Variants in NUP88 observed in about 807,000 individuals in gnomAD.
The protein encoded by NUP88 is nuclear pore complex protein Nup88.
Under a neutral mutation model 93.9 loss-of-function variants are expected in NUP88, and 57 were observed. The observed-to-expected ratio is 0.61, with a 90% CI of 0.49 to 0.76. The LOEUF is 0.76. Ranked by LOEUF, NUP88 falls within the 30% of genes least tolerant of loss-of-function variation. NUP88 has a pLI of 0.00. For missense variants in NUP88, 911 were observed against 901.0 expected, an observed-to-expected ratio of 1.01 and a Z score of -0.14; for synonymous variants, 346 against 336.8, an observed-to-expected ratio of 1.03 and a Z score of -0.30.
intron 2 of NUP88, among the ~76,000 whole-genome samples, chr17:5,416,180 T>TACACACACAC (rs1555530301): frequency 1.0e-4 from 11 of 107,336 alleles, no homozygotes; most frequent in African/African-American, 3.2e-4. Context: ...TATATATATA[T>TACACACACAC]ACACACATAC....
Position 5,385,018 on chromosome 17 carries a change from T to G in NUP88, c.*1188A>C. 1 of 229,078 alleles carries G rather than the reference T, an allele frequency of 4.4e-6. No individual in the cohort carries two copies. Among genetic ancestry groups the G allele is most frequent in the East Asian group, 6.3e-5 (1 of 15,922 alleles). The allele number at this position is 229,078 out of a possible 1,614,324, so 14.2% of individuals were successfully genotyped here. A position where few individuals can be genotyped will look rare whatever the true frequency, so the allele number is the denominator to read the frequency against. On this transcript the variant is annotated 3_prime_UTR_variant, in exon 17 of 17. Transcript: ENST00000573584. ...TGAACTAGAGCTTGCAGTGAAGTGT[T>G]CTGCTGAGACTGAGCACCTTACAGA...
In NUP88 at chr17:5,419,660, A is replaced by C. The variant is rs753139669; in HGVS notation, c.-10T>G. 32 of 1,576,476 alleles carry C rather than the reference A, an allele frequency of 2.0e-5. No individual in the cohort carries two copies. The highest frequency in any genetic ancestry group is 2.8e-5 in the Non-Finnish European group (32 of 1,161,558). ...CCTCGGCGGCCGCCATCTTGGCCCA[A>C]CTGCTCCCCTCACTCCAGTTGCTCA... On this transcript the variant is annotated 5_prime_UTR_variant, in exon 1 of 17. Transcript: ENST00000573584.
In NUP88 at chr17:5,385,782, G is replaced by A. The variant is rs1349604927; in HGVS notation, c.*424C>T. 4.2e-6 allele frequency: 1 copy of A among 235,672 alleles called. No homozygotes were observed. The highest frequency in any genetic ancestry group is 5.6e-5 in the Admixed American group (1 of 17,842). 14.6% of individuals were successfully genotyped at this position (235,672 alleles called of 1,614,324 possible). On this transcript the variant is annotated 3_prime_UTR_variant, in exon 17 of 17. Transcript: ENST00000573584. Reference sequence around the variant, plus strand: ...GAAGGTGTGTCCTCAAGAAGAAAGTGTTCAAATTAAAAAAGCTGCTGCCAA... The same window carrying A: ...GAAGGTGTGTCCTCAAGAAGAAAGTATTCAAATTAAAAAAGCTGCTGCCAA...
intron 7 of NUP88, among the ~76,000 whole-genome samples, chr17:5,402,318 A>C (rs1376026443): frequency 3.9e-5 from 6 of 151,954 alleles, no homozygotes; most frequent in Non-Finnish European, 5.9e-5. Flanking sequence ...AAAAAAAAAA[A>C]CAAAAAACAA....
At chr17:5,393,914 T>C (rs145092460) in intron 9 of NUP88, among the ~76,000 whole-genome samples, 64 of 152,314 alleles carry the variant, frequency 4.2e-4, no homozygotes, top group Middle Eastern at 3.4e-3. Context: ...TATCTAGTAA[T>C]TGATGAACAG....
At chr17:5,407,797 T>G (rs1913584289) in intron 5 of NUP88, among the ~76,000 whole-genome samples, 1 of 152,214 alleles carries the variant, frequency 6.6e-6, no homozygotes, top group Non-Finnish European at 1.5e-5. Context: ...CTAAGTCTTA[T>G]TTATCCTTCC....
chr17:5,386,136 A>G lies in NUP88; in HGVS notation c.*70T>C. Reference sequence around the variant, plus strand: ...ACCTTTTTATAAATTAGATAATTCTACCTGTTTTACAATATGGGTTTAAGC... The same window carrying G: ...ACCTTTTTATAAATTAGATAATTCTGCCTGTTTTACAATATGGGTTTAAGC... On this transcript the variant is annotated 3_prime_UTR_variant, in exon 17 of 17. Coordinates refer to ENST00000573584, the MANE Select transcript of NUP88 (RefSeq NM_002532.6). The G allele has an allele frequency of 8.8e-7, 1 of 1,132,018 alleles. No homozygotes were observed. Among genetic ancestry groups the G allele is most frequent in the Non-Finnish European group, 1.3e-6 (1 of 778,098 alleles). 70.1% of individuals were successfully genotyped at this position (1,132,018 alleles called of 1,614,324 possible). A position where few individuals can be genotyped will look rare whatever the true frequency, so the allele number is the denominator to read the frequency against.
At chr17:5,398,846 C>T (rs1204611732) in intron 8 of NUP88, among the ~76,000 whole-genome samples, 7 of 151,238 alleles carry the variant, frequency 4.6e-5, no homozygotes, top group Admixed American at 1.3e-4. Context: ...CCGCCTTGGC[C>T]TCCCAAAGTG....
At chr17:5,402,706 T>C (rs1347970692) in intron 7 of NUP88, among the ~76,000 whole-genome samples, 1 of 151,988 alleles carries the variant, frequency 6.6e-6, no homozygotes, top group South Asian at 2.1e-4. Context: ...TTTCATTCTT[T>C]TTTAAAGCCA....
In NUP88 at chr17:5,407,036, G is replaced by C. The variant is rs546603386; in HGVS notation, c.857+1697C>G. On this transcript the variant is annotated intron_variant, in intron 5 of 16. Coordinates refer to ENST00000573584, the MANE Select transcript of NUP88 (RefSeq NM_002532.6). ...GACAAATGAGGGCTCAGCAGCAAGA[G>C]GAGAAAGGGTAAGGGAAGGTACTAA... is the stretch of plus-strand genomic sequence containing the variant. Among the ~76,000 whole-genome samples, 5 of 152,266 alleles carry C rather than the reference G, an allele frequency of 3.3e-5. No individual in the cohort carries two copies. In the East Asian group the frequency reaches 9.6e-4, roughly 29 times the overall value.
chr17:5,412,400 C>A (rs1597329854), intron 3 of NUP88, among the ~76,000 whole-genome samples: 2 of 152,214 alleles, frequency 1.3e-5, no homozygotes, highest in East Asian at 3.9e-4. Context: ...AGCTGAATGC[C>A]CCTTAGTCAC....
chr17:5,387,827 T>G lies in NUP88; in HGVS notation c.1721A>C (p.Glu574Ala). 6.2e-7 allele frequency: 1 copy of G among 1,614,040 alleles called. No homozygotes were observed. The highest frequency in any genetic ancestry group is 1.1e-5 in the South Asian group (1 of 91,052). ...CAAGTCCTGTTTGAGAATGTACTGC[T>G]CTCTGAACACCTGGGTGGCTCTGCT... ...LLSRATQVFR[E>A]QYILKQDLAK... The change falls in exon 12 of 17, where the codon GAG becomes GCG. Residue 574 changes from glutamate (E) to alanine (A), a missense_variant. Glu to Ala is a moderately radical substitution (Grantham distance 107). Coordinates refer to ENST00000573584, the MANE Select transcript of NUP88 (RefSeq NM_002532.6).
intron 7 of NUP88, among the ~76,000 whole-genome samples, chr17:5,400,430 A>G (rs1913083912): frequency 7.0e-6 from 1 of 143,500 alleles, no homozygotes; most frequent in Non-Finnish European, 1.5e-5. Context: ...CGGGAGGTGG[A>G]GGTTGCAGTG....
intron 6 of NUP88, among the ~76,000 whole-genome samples, chr17:5,404,474 C>T (rs1567572979): frequency 6.6e-6 from 1 of 151,874 alleles, no homozygotes; most frequent in Non-Finnish European, 1.5e-5. Flanking sequence ...ATCAGCCGGG[C>T]GTGGTGGTGG....
chr17:5,416,713 T>C (rs937112477), intron 1 of NUP88, 31 bp from the exon 2 acceptor site: 2 of 1,555,602 alleles, frequency 1.3e-6, no homozygotes, highest in African/African-American at 2.8e-5. Flanking sequence ...GTCAACATAG[T>C]TAATTTTAAT....
At chr17:5,391,135 C>T (rs999887575) in intron 10 of NUP88, among the ~76,000 whole-genome samples, 3 of 152,154 alleles carry the variant, frequency 2.0e-5, no homozygotes, top group East Asian at 1.9e-4. Context: ...ACTAACCTCT[C>T]GATCCCCGTT....
intron 2 of NUP88, among the ~76,000 whole-genome samples, 174 bp from the exon 3 acceptor site, chr17:5,414,308 G>A (rs893128636): frequency 6.6e-6 from 1 of 152,196 alleles, no homozygotes; most frequent in African/African-American, 2.4e-5. Flanking sequence ...TGATTCTCCT[G>A]CCTCAGTCTT....
At chr17:5,401,377 C>A (rs1328056147) in intron 7 of NUP88, among the ~76,000 whole-genome samples, 1 of 129,702 alleles carries the variant, frequency 7.7e-6, no homozygotes, top group Non-Finnish European at 1.6e-5. Context: ...AGCGAAACTC[C>A]GTCTCAAAAA....
At chr17:5,393,792 C>T (rs567101369) in intron 9 of NUP88, among the ~76,000 whole-genome samples, 4 of 152,318 alleles carry the variant, frequency 2.6e-5, no homozygotes, top group Admixed American at 1.3e-4. Context: ...CCCCACCAAG[C>T]GTTTTCCCTG....
Sources: allele counts gnomAD v4.1 joint callset (sites outside exome capture counted in the v4.1 genomes callset), GRCh38; gene constraint gnomAD v4.1.1; transcripts MANE v1.5; gene names NCBI Gene and HGNC (gene_info 2026-07-23, HGNC 2026-07-21).